Variants in EDNRA observed in about 807,000 individuals in gnomAD.
EDNRA encodes the protein endothelin receptor type A, also known as endothelin-1 receptor.
EDNRA carries 11 observed loss-of-function variants against 41.4 expected under a neutral mutation model. That is an observed-to-expected ratio of 0.27 (90% CI 0.17 to 0.44). The LOEUF is 0.44. Among genes scored for constraint, EDNRA ranks in the 20% least tolerant of loss-of-function variants. The probability of loss-of-function intolerance (pLI) is 1.00; values close to 1 mark genes in which losing one functional copy is unlikely to be tolerated. For synonymous variants in EDNRA, 172 were observed against 183.0 expected, an observed-to-expected ratio of 0.94 and a Z score of 0.49; for missense variants, 294 against 531.0, an observed-to-expected ratio of 0.55 and a Z score of 4.39.
In EDNRA at chr4:147,542,586, G is replaced by A; in HGVS notation, c.1252G>A (p.Asp418Asn). Residue 418 changes from aspartate to asparagine, a missense_variant, in exon 8 of 8, where the codon GAC becomes AAC. Asp to Asn is a conservative substitution (Grantham distance 23). Coordinates refer to ENST00000651419, the MANE Select transcript of EDNRA (RefSeq NM_001957.4). ...KNHDQNNHNT[D>N]RSSHKDSMN Reference sequence around the variant, plus strand: ...CCACGATCAAAACAACCACAACACAGACCGGAGCAGCCATAAGGACAGCAT... The same window carrying A: ...CCACGATCAAAACAACCACAACACAAACCGGAGCAGCCATAAGGACAGCAT... The A allele has an allele frequency of 6.2e-7, 1 of 1,613,956 alleles. No homozygotes were observed. The highest frequency in any genetic ancestry group is 8.5e-7 in the Non-Finnish European group (1 of 1,179,978).
intron 2 of EDNRA, among the ~76,000 whole-genome samples, chr4:147,503,622 C>T (rs1398637269): frequency 2.6e-5 from 4 of 152,076 alleles, no homozygotes; most frequent in Non-Finnish European, 5.9e-5. Context: ...AAGAGAAATA[C>T]AGATTGTAAT....
intron 2 of EDNRA, among the ~76,000 whole-genome samples, chr4:147,511,198 G>T (rs180932366): frequency 1.3e-5 from 2 of 152,240 alleles, no homozygotes; most frequent in Admixed American, 1.3e-4. Context: ...AAACTTTATA[G>T]TGAATTATTA....
intron 1 of EDNRA, among the ~76,000 whole-genome samples, chr4:147,484,483 T>A (rs994247447): frequency 4.7e-4 from 72 of 152,332 alleles, no homozygotes; most frequent in African/African-American, 1.6e-3. Flanking sequence ...CCATCACCTG[T>A]GGCCTTGACA....
At position 147,485,699 on chromosome 4, in the gene EDNRA, C is replaced by G; in HGVS notation, c.18C>G (p.Leu6=). 6.2e-7 allele frequency: 1 copy of G among 1,606,662 alleles called. No individual in the cohort carries two copies. The highest frequency in any genetic ancestry group is 8.5e-7 in the Non-Finnish European group (1 of 1,175,278). Residue 6 remains leucine, a synonymous_variant, in exon 2 of 8, where the codon CTC becomes CTG. Transcript: ENST00000651419. ...GCCTCAAGATGGAAACCCTTTGCCT[C>G]AGGGCATCCTTTTGGCTGGCACTGG... METLC[L]RASFWLALVG...
rs576843052 is a variant in EDNRA, at chr4:147,522,741, A to C, written c.548+2763A>C. On this transcript the variant is annotated intron_variant, in intron 3 of 7. Coordinates refer to ENST00000651419, the MANE Select transcript of EDNRA (RefSeq NM_001957.4). ...GTAAAAACTCAAACCATTGTTGATG[A>C]AGAAAGCCAAACTCTGAATAATAGT... 2.6e-5 allele frequency among the ~76,000 whole-genome samples: 4 copies of C among 152,314 alleles called. No homozygotes were observed. In the East Asian group the frequency reaches 7.7e-4, roughly 29 times the overall value.
intron 2 of EDNRA, among the ~76,000 whole-genome samples, chr4:147,508,963 T>C (rs773600472): frequency 6.6e-6 from 1 of 152,228 alleles, no homozygotes; most frequent in Non-Finnish European, 1.5e-5. Flanking sequence ...AATTTTAAGA[T>C]GAATTTGTTA....
intron 3 of EDNRA, 140 bp from the exon 4 acceptor site, chr4:147,532,366 T>A: frequency 2.0e-5 from 11 of 545,730 alleles, no homozygotes; most frequent in East Asian, 3.5e-5. Flanking sequence ...TTGGTTTTCA[T>A]ACCAAGACTC....
chr4:147,538,343 A>G (rs1485145696), intron 5 of EDNRA, among the ~76,000 whole-genome samples: 3 of 152,160 alleles, frequency 2.0e-5, no homozygotes, highest in African/African-American at 4.8e-5. Context: ...AATGGTTTCT[A>G]TTTCATCTAA....
chr4:147,525,931 G>C (rs1730526450), intron 3 of EDNRA, among the ~76,000 whole-genome samples: 1 of 152,164 alleles, frequency 6.6e-6, no homozygotes, highest in Non-Finnish European at 1.5e-5. Flanking sequence ...ATTCTCAAAG[G>C]TATATCCTAA....
intron 2 of EDNRA, among the ~76,000 whole-genome samples, chr4:147,504,197 T>C (rs1488372575): frequency 6.6e-6 from 1 of 152,222 alleles, no homozygotes; most frequent in African/African-American, 2.4e-5. Flanking sequence ...GCGAATATTC[T>C]TTGATACGAC....
intron 2 of EDNRA, among the ~76,000 whole-genome samples, chr4:147,517,939 G>C (rs1446152969): frequency 6.6e-6 from 1 of 152,104 alleles, no homozygotes; most frequent in Non-Finnish European, 1.5e-5. Flanking sequence ...CAGGATTTCA[G>C]AGTCTCCCTT....
intron 5 of EDNRA, among the ~76,000 whole-genome samples, chr4:147,537,804 TCCTC>T (rs57009961): frequency 0.34 from 51,109 of 151,262 alleles, 10,313 homozygotes; most frequent in African/African-American, 0.57. Flanking sequence ...CAAGATTTTG[TCCTC>T]ATGCAGTTAA....
rs909857408 is a variant in EDNRA at position 147,532,710 on chromosome 4, A to G, written c.747+6A>G. On this transcript the variant is annotated splice_donor_region_variant and intron_variant, in intron 4 of 7. Transcript: ENST00000651419. The stretch of plus-strand genomic sequence containing the variant: ...CCACATCAAAATTCATGGAGGTACT[A>G]AACGTTTAAAAGGAATTAACTGGGG... 1.2e-6 allele frequency: 2 copies of G among 1,613,898 alleles called. No homozygotes were observed. The highest frequency in any genetic ancestry group is 1.7e-6 in the Non-Finnish European group (2 of 1,179,884).
At position 147,506,206 on chromosome 4, in the gene EDNRA, A is replaced by T. The variant is rs1455640216; in HGVS notation, c.421-13645A>T. ...GAGGTGTCATTTACTTTGAATGAAG[A>T]TCTTGCAAATATTCATGATATTGGC... On this transcript the variant is annotated intron_variant, in intron 2 of 7. Transcript: ENST00000651419. The T allele has an allele frequency of 1.9e-5, 10 of 523,472 alleles. No individual in the cohort carries two copies. The Admixed American group carries it at 2.0e-4, about 10-fold the overall frequency. The allele number at this position is 523,472 out of a possible 1,614,324, so 32.4% of individuals were successfully genotyped here. A position where few individuals can be genotyped will look rare whatever the true frequency, so the allele number is the denominator to read the frequency against.
chr4:147,494,761 C>G (rs111814440), intron 2 of EDNRA: 1 of 152,146 alleles, frequency 6.6e-6, no homozygotes, highest in Admixed American at 6.5e-5. Flanking sequence ...CAAGGAAAAC[C>G]TATACACCTT....
chr4:147,501,226 G>A (rs1477853813), intron 2 of EDNRA, among the ~76,000 whole-genome samples: 1 of 152,182 alleles, frequency 6.6e-6, no homozygotes, highest in African/African-American at 2.4e-5. Flanking sequence ...AGTGCCTGAG[G>A]GCTCAATATT....
At chr4:147,522,586 GTGTTA>G (rs1730364319) in intron 3 of EDNRA, among the ~76,000 whole-genome samples, 1 of 152,026 alleles carries the variant, frequency 6.6e-6, no homozygotes, top group South Asian at 2.1e-4. Flanking sequence ...GATAGTTGGT[GTGTTA>G]TCTCCACTTT....
chr4:147,485,603 T>C lies in EDNRA; in HGVS notation c.-70-9T>C. 1 of 1,483,794 alleles carries C rather than the reference T, an allele frequency of 6.7e-7. No individual in the cohort carries two copies. Among genetic ancestry groups the C allele is most frequent in the Non-Finnish European group, 9.0e-7 (1 of 1,106,634 alleles). 91.9% of individuals were successfully genotyped at this position (1,483,794 alleles called of 1,614,324 possible). On this transcript the variant is annotated splice_polypyrimidine_tract_variant and intron_variant, in intron 1 of 7. Transcript: ENST00000651419. Reference sequence around the variant, plus strand: ...TTTGGAACAAAAATTATTTTTCCTTTTGTTTCAGGTGAAAAAAAAGTGAAG... The same window carrying C: ...TTTGGAACAAAAATTATTTTTCCTTCTGTTTCAGGTGAAAAAAAAGTGAAG...
chr4:147,542,565 G>A lies in EDNRA; in HGVS notation c.1231G>A (p.Asp411Asn), dbSNP rs1156690632. 1.9e-6 allele frequency: 3 copies of A among 1,614,046 alleles called. No individual in the cohort carries two copies. The highest frequency in any genetic ancestry group is 2.5e-6 in the Non-Finnish European group (3 of 1,180,004). The change falls in exon 8 of 8, where the codon GAT (aspartate) becomes AAT (asparagine). Residue 411 changes from aspartate to asparagine, a missense_variant. Transcript: ENST00000651419. The part of the protein sequence containing the change: ...NGTSIQWKNH[D>N]QNNHNTDRSS... Reference sequence around the variant, plus strand: ...AACAAGCATCCAGTGGAAGAACCACGATCAAAACAACCACAACACAGACCG... The same window carrying A: ...AACAAGCATCCAGTGGAAGAACCACAATCAAAACAACCACAACACAGACCG...
Sources: gnomAD v4.1 joint callset for allele counts (sites outside exome capture counted in the v4.1 genomes callset) on GRCh38, gnomAD v4.1.1 for gene constraint, MANE v1.5 for transcripts, NCBI Gene and HGNC (gene_info 2026-07-23, HGNC 2026-07-21) for gene names.